The following ATE1 variants were observed in gnomAD, a reference collection of about 807,000 sequenced individuals.
ATE1 encodes the protein arginyltransferase 1, also known as arginyl-tRNA--protein transferase 1.
A neutral mutation model predicts 70.5 loss-of-function variants in ATE1; 36 were observed. The ratio of observed to expected loss-of-function variants is 0.51; its 90% CI spans 0.39 to 0.67. The LOEUF is 0.67. Ranked by LOEUF, ATE1 falls within the 30% of genes least tolerant of loss-of-function variation. The pLI, the probability that ATE1 is intolerant of heterozygous loss-of-function variation, is 0.00. For missense variants in ATE1, 593 were observed against 629.5 expected (o/e 0.94, Z 0.62); for synonymous variants, 232 against 219.3 (o/e 1.06, Z -0.51).
chr10:121,915,425 A>C (rs942368888), intron 3 of ATE1, among the ~76,000 whole-genome samples: 6 of 152,174 alleles, frequency 3.9e-5, no homozygotes, highest in Admixed American at 2.6e-4. Context: ...GCATTAAAAA[A>C]GAAAATGGAG....
Position 121,743,865 on chromosome 10 carries a change from C to T in ATE1, c.1379-7G>A, listed in dbSNP as rs368045773. ...GTACTGCGATCCTCATCCACTGCAACGACAAAAAATACTGATTTGTAAAAT... is the reference window on the plus strand; with the variant it reads ...GTACTGCGATCCTCATCCACTGCAATGACAAAAAATACTGATTTGTAAAAT... On this transcript the variant is annotated splice_region_variant and splice_polypyrimidine_tract_variant and intron_variant, in intron 11 of 11. Coordinates refer to ENST00000224652, the MANE Select transcript of ATE1 (RefSeq NM_001001976.3). The T allele has an allele frequency of 7.9e-5, 124 of 1,567,382 alleles. No homozygotes were observed. Among genetic ancestry groups the T allele is most frequent in the Admixed American group, 1.8e-4 (9 of 50,920 alleles).
chr10:121,755,909 G>GT (rs1208742396), intron 11 of ATE1, among the ~76,000 whole-genome samples: 1 of 152,048 alleles, frequency 6.6e-6, no homozygotes, highest in Non-Finnish European at 1.5e-5. Flanking sequence ...CCCAAATCTC[G>GT]TATCTTCACA....
At chr10:121,911,442 TAAA>T (rs371014661) in intron 4 of ATE1, among the ~76,000 whole-genome samples, 2 of 128,332 alleles carry the variant, frequency 1.6e-5, no homozygotes, top group Non-Finnish European at 3.3e-5. Flanking sequence ...TACAGTAAAT[TAAA>T]AAAAAAAAAA....
At chr10:121,923,543 T>G (rs758945799) in intron 2 of ATE1, among the ~76,000 whole-genome samples, 5 of 152,246 alleles carry the variant, frequency 3.3e-5, no homozygotes, top group Non-Finnish European at 5.9e-5. Context: ...CTGACCTATG[T>G]CTACCTTTTG....
At chr10:121,840,590 C>G (rs898771555) in intron 9 of ATE1, among the ~76,000 whole-genome samples, 1 of 151,942 alleles carries the variant, frequency 6.6e-6, no homozygotes, top group South Asian at 2.1e-4. Flanking sequence ...AAAAGCTACC[C>G]ACAAATACAA....
chr10:121,918,339 A>C (rs1010077915), intron 3 of ATE1, among the ~76,000 whole-genome samples: 5 of 152,148 alleles, frequency 3.3e-5, no homozygotes, highest in Non-Finnish European at 5.9e-5. Flanking sequence ...TCTCAAAAAA[A>C]AAAAAAAAAG....
intron 1 of ATE1, 60 bp downstream of exon 1, chr10:121,927,770 TCCTCGCTGGGGGAC>T (rs1309762079): frequency 4.5e-5 from 66 of 1,473,956 alleles, no homozygotes; most frequent in Non-Finnish European, 5.5e-5. Context: ...CCCCCTCGCG[TCCTCGCTGGGGGAC>T]CCTGGGATCC....
At position 121,922,484 on chromosome 10, in the gene ATE1, C is replaced by T. The variant is rs1951920936; in HGVS notation, c.171-73G>A. On this transcript the variant is annotated intron_variant, in intron 2 of 11. Coordinates refer to ENST00000224652, the MANE Select transcript of ATE1 (RefSeq NM_001001976.3). ...GCACCAAAACAGCCTAGCACAGGAG[C>T]ATTAAATTAAGGTTAAAAATCTAAT... is the stretch of plus-strand genomic sequence containing the variant. 6 of 884,430 alleles carry T rather than the reference C, an allele frequency of 6.8e-6. No homozygotes were observed. The South Asian group carries it at 7.5e-5, about 11-fold the overall frequency. 54.8% of individuals were successfully genotyped at this position (884,430 alleles called of 1,614,324 possible).
intron 8 of ATE1, among the ~76,000 whole-genome samples, chr10:121,849,027 G>A (rs1369851720): frequency 6.6e-6 from 1 of 151,806 alleles, no homozygotes; most frequent in African/African-American, 2.4e-5. Context: ...CCTGGCCAAC[G>A]TGGTGAAACT....
chr10:121,745,684 ATCACTGC>A (rs1944338658), intron 11 of ATE1, among the ~76,000 whole-genome samples: 2 of 152,128 alleles, frequency 1.3e-5, no homozygotes, highest in African/African-American at 2.4e-5. Flanking sequence ...CCGAGATGGC[ATCACTGC>A]ACTCCAGCCT....
At chr10:121,799,504 T>G (rs972413667) in intron 10 of ATE1, among the ~76,000 whole-genome samples, 2 of 151,814 alleles carry the variant, frequency 1.3e-5, no homozygotes, top group Non-Finnish European at 2.9e-5. Flanking sequence ...GCTGTCTCCC[T>G]CCTGAGCTCT....
chr10:121,823,558 A>G (rs976093080), intron 10 of ATE1, among the ~76,000 whole-genome samples: 1 of 152,242 alleles, frequency 6.6e-6, no homozygotes, highest in Non-Finnish European at 1.5e-5. Context: ...GCACACAGAT[A>G]GTGCCCAGCA....
chr10:121,927,262 T>C, intron 1 of ATE1: 1 of 984,896 alleles, frequency 1.0e-6, no homozygotes. Flanking sequence ...ATGGTAAAAA[T>C]TTCAAACAGA....
At chr10:121,881,383 A>G (rs1427316809) in intron 7 of ATE1, among the ~76,000 whole-genome samples, 1 of 152,198 alleles carries the variant, frequency 6.6e-6, no homozygotes, top group African/African-American at 2.4e-5. Context: ...TAACTTATCA[A>G]AACGAGAGAT....
At chr10:121,773,694 A>G (rs1945616380) in intron 11 of ATE1, among the ~76,000 whole-genome samples, 1 of 152,194 alleles carries the variant, frequency 6.6e-6, no homozygotes, top group South Asian at 2.1e-4. Context: ...AGAAGGTCCT[A>G]TATACAGCAG....
intron 1 of ATE1, among the ~76,000 whole-genome samples, chr10:121,925,710 CA>C (rs113313547): frequency 2.7e-5 from 4 of 150,462 alleles, no homozygotes; most frequent in Non-Finnish European, 5.9e-5. Flanking sequence ...TCTGTTTTCA[CA>C]AAAAAAAAAT....
intron 6 of ATE1, 46 bp downstream of exon 6, chr10:121,902,344 CA>C (rs111546849): frequency 1.3e-4 from 202 of 1,503,028 alleles, no homozygotes; most frequent in South Asian, 2.7e-4. Context: ...TATGCCCAAA[CA>C]AAAAAAAATC....
intron 5 of ATE1, among the ~76,000 whole-genome samples, chr10:121,906,662 G>C (rs1951208029): frequency 6.6e-6 from 1 of 151,996 alleles, no homozygotes; most frequent in South Asian, 2.1e-4. Flanking sequence ...GCAGTGGCGT[G>C]ATCTCAGCTC....
chr10:121,766,341 G>C (rs1340426063), intron 11 of ATE1, among the ~76,000 whole-genome samples: 2 of 152,022 alleles, frequency 1.3e-5, no homozygotes, highest in Non-Finnish European at 2.9e-5. Flanking sequence ...TAAGACAGGG[G>C]GCCTTCCACT....
Sources: allele counts gnomAD v4.1 joint callset (sites outside exome capture counted in the v4.1 genomes callset), GRCh38; gene constraint gnomAD v4.1.1; transcripts MANE v1.5; gene names NCBI Gene and HGNC (gene_info 2026-07-23, HGNC 2026-07-21).